Variants in MAP2K5 observed in about 807,000 individuals in gnomAD.
MAP2K5 encodes mitogen-activated protein kinase kinase 5.
A neutral mutation model predicts 83.1 loss-of-function variants in MAP2K5; 49 were observed. The observed-to-expected ratio is 0.59, with a 90% confidence interval of 0.47 to 0.75. The LOEUF (loss-of-function observed/expected upper bound fraction) is 0.75, where lower values mean the gene tolerates loss of function less well. MAP2K5 is among the 30% of genes least tolerant of loss of function. The pLI, the probability that MAP2K5 is intolerant of heterozygous loss-of-function variation, is 0.00. For missense variants in MAP2K5, 457 were observed against 557.5 expected (o/e 0.82, Z 1.82); for synonymous variants, 202 against 191.8 (o/e 1.05, Z -0.44).
intron 21 of MAP2K5, among the ~76,000 whole-genome samples, chr15:67,806,181 G>A (rs112507532): frequency 4.6e-5 from 7 of 152,338 alleles, no homozygotes; most frequent in African/African-American, 1.7e-4. Context: ...TAGGAGAGCT[G>A]TAGACAAAGG....
intron 8 of MAP2K5, among the ~76,000 whole-genome samples, chr15:67,604,063 C>T (rs1315594636): frequency 9.2e-5 from 14 of 152,230 alleles, no homozygotes; most frequent in Admixed American, 2.6e-4. Flanking sequence ...TATGATTTAA[C>T]AGTTGATACA....
At chr15:67,582,139 G>A (rs1194034144) in intron 4 of MAP2K5, among the ~76,000 whole-genome samples, 2 of 133,394 alleles carry the variant, frequency 1.5e-5, no homozygotes, top group South Asian at 2.6e-4. Context: ...TCAGCTCACC[G>A]CAACCTCTGA....
At chr15:67,567,038 A>G (rs910496751) in intron 3 of MAP2K5, among the ~76,000 whole-genome samples, 1 of 152,268 alleles carries the variant, frequency 6.6e-6, no homozygotes, top group Non-Finnish European at 1.5e-5. Flanking sequence ...AGTTATTTAG[A>G]AGTTGTATTC....
intron 9 of MAP2K5, chr15:67,642,630 G>A (rs2086739774): frequency 1.5e-6 from 1 of 680,648 alleles, no homozygotes; most frequent in Non-Finnish European, 2.7e-6. Flanking sequence ...AAGGCTGTAA[G>A]TAGGGAAAGC....
Position 67,563,173 on chromosome 15 carries a change from G to A in MAP2K5, c.185-110G>A. On this transcript the variant is annotated intron_variant, in intron 2 of 21. Transcript: ENST00000178640. This position sits in a 1 kb window ranked among gnomAD's most constrained non-coding sequence, Gnocchi z 4.5. Reference sequence around the variant, plus strand: ...AATAATGTCAACATACCCCCAAAATGTGGTGTTGAGGGTTAGAATATCACA... The same window carrying A: ...AATAATGTCAACATACCCCCAAAATATGGTGTTGAGGGTTAGAATATCACA... The A allele has an allele frequency of 8.8e-7, 1 of 1,140,896 alleles. No homozygotes were observed. Among genetic ancestry groups the A allele is most frequent in the South Asian group, 2.2e-5 (1 of 44,632 alleles). 70.7% of individuals were successfully genotyped at this position (1,140,896 alleles called of 1,614,324 possible).
rs997794395 is a variant in MAP2K5 at position 67,736,035 on chromosome 15, G to A, written c.1074+8090G>A. On this transcript the variant is annotated intron_variant, in intron 17 of 21. Transcript: ENST00000178640. The surrounding 1 kb of genome is among the most constrained non-coding windows in gnomAD (Gnocchi z 4.3). The stretch of plus-strand genomic sequence containing the variant: ...TTGGTGTTGTTCCGGTACTTTAACA[G>A]TACTACCATTGTTACTTTCATTTCC... Among the ~76,000 whole-genome samples, 4 of 152,196 alleles carry A rather than the reference G, an allele frequency of 2.6e-5. No individual in the cohort carries two copies. Among genetic ancestry groups the A allele is most frequent in the Non-Finnish European group, 5.9e-5 (4 of 68,042 alleles).
rs1339905778 is a variant in MAP2K5, at chr15:67,668,864, T to G, written c.847+4219T>G. On this transcript the variant is annotated intron_variant, in intron 13 of 21. Coordinates refer to ENST00000178640, the MANE Select transcript of MAP2K5 (RefSeq NM_145160.3). The surrounding 1 kb of genome is among the most constrained non-coding windows in gnomAD (Gnocchi z 4.0). ...AGTTGGTGTGCCAGGAGTTTTTTTG[T>G]ATATATGAACCTGGTTAGTTTCATT... is the stretch of plus-strand genomic sequence containing the variant. 6.6e-6 allele frequency among the ~76,000 whole-genome samples: 1 copy of G among 152,154 alleles called. No individual in the cohort carries two copies. The highest frequency in any genetic ancestry group is 1.5e-5 in the Non-Finnish European group (1 of 68,018).
rs2087698356 is a variant in MAP2K5 at position 67,676,957 on chromosome 15, T to A, written c.847+12312T>A. 6.6e-6 allele frequency among the ~76,000 whole-genome samples: 1 copy of A among 152,222 alleles called. No homozygotes were observed. Among genetic ancestry groups the A allele is most frequent in the Non-Finnish European group, 1.5e-5 (1 of 68,040 alleles). On this transcript the variant is annotated intron_variant, in intron 13 of 21. Coordinates refer to ENST00000178640, the MANE Select transcript of MAP2K5 (RefSeq NM_145160.3). The surrounding 1 kb of genome is among the most constrained non-coding windows in gnomAD (Gnocchi z 4.8). The stretch of plus-strand genomic sequence containing the variant: ...TAACTTCTTTGAGGTCATAGCATTG[T>A]ACCTGGCATATAACAGCTATTATTA...
In MAP2K5 at chr15:67,736,961, C is replaced by T. The variant is rs902538332; in HGVS notation, c.1074+9016C>T. On this transcript the variant is annotated intron_variant, in intron 17 of 21. Transcript: ENST00000178640. The surrounding 1 kb of genome is among the most constrained non-coding windows in gnomAD (Gnocchi z 4.3). ...AGATTACAGATGAGGAAATAGGAGT[C>T]CACAGCCATTAAATGACTCACTCAT... Among the ~76,000 whole-genome samples, 1 of 152,190 alleles carries T rather than the reference C, an allele frequency of 6.6e-6. No homozygotes were observed. The highest frequency in any genetic ancestry group is 2.4e-5 in the African/African-American group (1 of 41,438).
chr15:67,646,407 T>C lies in MAP2K5; in HGVS notation c.674T>C (p.Ile225Thr). The change falls in exon 11 of 22, where the codon ATT becomes ACT. Residue 225 changes from isoleucine (I) to threonine (T), a missense_variant. By Grantham distance (89) the Ile-to-Thr change is moderately conservative (BLOSUM62 -1). Coordinates refer to ENST00000178640, the MANE Select transcript of MAP2K5 (RefSeq NM_145160.3). ...TTACAGTGCGATTCATCATATATCATTGGATTTTATGGAGCATTTTTTGTA... is the reference window on the plus strand; with the variant it reads ...TTACAGTGCGATTCATCATATATCACTGGATTTTATGGAGCATTTTTTGTA... ...ILYKCDSSYI[I>T]GFYGAFFVEN... 6.3e-7 allele frequency: 1 copy of C among 1,599,648 alleles called. No individual in the cohort carries two copies. Among genetic ancestry groups the C allele is most frequent in the Non-Finnish European group, 8.6e-7 (1 of 1,168,562 alleles).
chr15:67,725,038 G>A (rs1259178113), intron 16 of MAP2K5, among the ~76,000 whole-genome samples: 1 of 152,188 alleles, frequency 6.6e-6, no homozygotes, highest in African/African-American at 2.4e-5. Flanking sequence ...GTAGGACTGA[G>A]GTTCCACAAG....
chr15:67,623,808 G>A lies in MAP2K5; in HGVS notation c.546-7080G>A, dbSNP rs184068737. ...GACGGGGTTTCTCCATGTTGGTCAG[G>A]CTGGTCTCGAACTCCCAACCTCAGG... On this transcript the variant is annotated intron_variant, in intron 8 of 21. Transcript: ENST00000178640. Among the ~76,000 whole-genome samples, 1,227 of 151,894 alleles carry A rather than the reference G, an allele frequency of 8.1e-3. 8 individuals are homozygous for A. The highest frequency in any genetic ancestry group is 0.016 in the Admixed American group (246 of 15,262).
chr15:67,628,510 G>A, intron 8 of MAP2K5: 1 of 719,010 alleles, frequency 1.4e-6, no homozygotes, highest in Non-Finnish European at 2.4e-6. Context: ...ATAAAAAAAA[G>A]ACACTGAGGA....
chr15:67,725,865 G>T (rs1233319636), intron 16 of MAP2K5, among the ~76,000 whole-genome samples: 1 of 152,202 alleles, frequency 6.6e-6, no homozygotes, highest in Non-Finnish European at 1.5e-5. Flanking sequence ...TTTTCAAAAT[G>T]TAGGGCAAAC....
At chr15:67,804,375 G>A (rs1288069345) in intron 21 of MAP2K5, among the ~76,000 whole-genome samples, 3 of 152,302 alleles carry the variant, frequency 2.0e-5, no homozygotes, top group South Asian at 2.1e-4. Flanking sequence ...GGTCCAGGTC[G>A]CTTCCCTTGC....
At chr15:67,648,612 G>A (rs958116204) in intron 11 of MAP2K5, among the ~76,000 whole-genome samples, 13 of 150,082 alleles carry the variant, frequency 8.7e-5, no homozygotes, top group African/African-American at 2.2e-4. Flanking sequence ...TCGCTCTGTC[G>A]CCTAGGCTGG....
rs774829219 is a variant in MAP2K5, at chr15:67,703,375, T to G, written c.1011T>G (p.Ser337=). The G allele has an allele frequency of 6.2e-7, 1 of 1,613,782 alleles. No homozygotes were observed. The highest frequency in any genetic ancestry group is 8.5e-7 in the Non-Finnish European group (1 of 1,179,700). ...CAGGGGAGCAGTATGGAATTCATTC[T>G]GATGTCTGGAGCTTAGGAATCTCTT... The part of the protein sequence containing the change: ...RISGEQYGIH[S]DVWSLGISFM... Residue 337 remains serine, a synonymous_variant, in exon 16 of 22, where the codon TCT becomes TCG. Coordinates refer to ENST00000178640, the MANE Select transcript of MAP2K5 (RefSeq NM_145160.3).
chr15:67,574,270 C>A (rs1413938762), intron 3 of MAP2K5, among the ~76,000 whole-genome samples: 1 of 152,040 alleles, frequency 6.6e-6, no homozygotes, highest in Non-Finnish European at 1.5e-5. Context: ...GGGAGGATGT[C>A]AAGTTAATAA....
intron 19 of MAP2K5, among the ~76,000 whole-genome samples, chr15:67,766,996 A>G (rs1235997364): frequency 4.6e-5 from 7 of 152,160 alleles, no homozygotes; most frequent in Non-Finnish European, 8.8e-5. Context: ...AATTTCCCCC[A>G]TATCTTTAAT....
Sources: gnomAD v4.1 joint callset for allele counts (sites outside exome capture counted in the v4.1 genomes callset) on GRCh38, gnomAD v4.1.1 for gene constraint, Gnocchi (gnomAD v3.1) non-coding constraint, MANE v1.5 for transcripts, NCBI Gene and HGNC (gene_info 2026-07-23, HGNC 2026-07-21) for gene names.